Variants in CDH13 observed in about 807,000 individuals in gnomAD.
CDH13 encodes cadherin 13, also known as cadherin-13.
A neutral mutation model predicts 63.8 loss-of-function variants in CDH13; 24 were observed. The ratio of observed to expected loss-of-function variants is 0.38; its 90% CI spans 0.27 to 0.53. The LOEUF is 0.53. Ranked by LOEUF, CDH13 falls within the 20% of genes least tolerant of loss-of-function variation. The probability of loss-of-function intolerance (pLI) is 0.85; values close to 1 mark genes in which losing one functional copy is unlikely to be tolerated. For missense variants in CDH13, 1,049 were observed against 903.1 expected, an observed-to-expected ratio of 1.16 and a Z score of -2.07; for synonymous variants, 503 against 355.3, an observed-to-expected ratio of 1.42 and a Z score of -4.67.
At chr16:83,037,992 CCT>C (rs1323869552) in intron 3 of CDH13, among the ~76,000 whole-genome samples, 3 of 152,044 alleles carry the variant, frequency 2.0e-5, no homozygotes, top group Admixed American at 6.6e-5. Flanking sequence ...TCACTGAGGC[CCT>C]GAGACAGAAG....
rs773486099 is a variant in CDH13, at chr16:83,779,984, G to C, written c.1698G>C (p.Thr566=). The change falls in exon 12 of 14, where the codon ACG becomes ACC. Residue 566 remains threonine, a synonymous_variant. Transcript: ENST00000567109. ...LAIDSGNPPA[T]GTGTLLITLE... is the part of the protein sequence containing the mutation. ...TTCCCACAGGCAACCCTCCCGCTAC[G>C]GGCACTGGGACTTTGCTGATAACCC... is the stretch of plus-strand genomic sequence containing the variant. 11 of 1,608,454 alleles carry C rather than the reference G, an allele frequency of 6.8e-6. No individual in the cohort carries two copies. Among genetic ancestry groups the C allele is most frequent in the Non-Finnish European group, 7.7e-6 (9 of 1,175,332 alleles).
chr16:83,767,746 C>G (rs1914492017), intron 11 of CDH13, among the ~76,000 whole-genome samples: 1 of 152,110 alleles, frequency 6.6e-6, no homozygotes, highest in South Asian at 2.1e-4. Context: ...AATCCAGACC[C>G]AAAAAACTAC....
At chr16:82,787,761 A>C (rs1760812083) in intron 1 of CDH13, among the ~76,000 whole-genome samples, 1 of 149,482 alleles carries the variant, frequency 6.7e-6, no homozygotes, top group African/African-American at 2.5e-5. Context: ...TTTTAATAAC[A>C]ATTTTGTTTG....
chr16:83,781,940 A>G (rs1915553548), intron 12 of CDH13, among the ~76,000 whole-genome samples: 2 of 151,882 alleles, frequency 1.3e-5, no homozygotes, highest in Admixed American at 1.3e-4. Context: ...AAAAAAAAAA[A>G]GAAGAAAAAA....
chr16:83,745,036 C>G (rs957091923), intron 10 of CDH13, among the ~76,000 whole-genome samples: 5 of 152,166 alleles, frequency 3.3e-5, no homozygotes, highest in Non-Finnish European at 7.3e-5. Flanking sequence ...CTCTCAGTTC[C>G]TCATCTGTAA....
At chr16:83,212,600 G>C (rs2151780711) in intron 4 of CDH13, among the ~76,000 whole-genome samples, 1 of 152,324 alleles carries the variant, frequency 6.6e-6, no homozygotes, top group South Asian at 2.1e-4. Flanking sequence ...GGTCTAGAAA[G>C]AAGGTGGCAA....
chr16:83,533,600 A>C lies in CDH13; in HGVS notation c.960+46945A>C, dbSNP rs1386430080. Among the ~76,000 whole-genome samples the C allele has an allele frequency of 2.0e-5, 3 of 151,328 alleles. No homozygotes were observed. In the East Asian group the frequency reaches 5.8e-4, roughly 29 times the overall value. On this transcript the variant is annotated intron_variant, in intron 7 of 13. Coordinates refer to ENST00000567109, the MANE Select transcript of CDH13 (RefSeq NM_001257.5). ...TTAGTTGTGGAAGTTGTGAGGATTT[A>C]AGTATAATTTACATTATCTTTTTTT...
chr16:82,947,955 A>G (rs973604078), intron 2 of CDH13, among the ~76,000 whole-genome samples: 10 of 152,218 alleles, frequency 6.6e-5, no homozygotes, highest in African/African-American at 2.2e-4. Context: ...CTGGGCATTT[A>G]TTGTAATAGA....
chr16:83,329,876 A>G (rs750880022), intron 5 of CDH13, among the ~76,000 whole-genome samples: 5 of 152,224 alleles, frequency 3.3e-5, no homozygotes, highest in Non-Finnish European at 7.3e-5. Context: ...TAAAAACTGA[A>G]TAGTGTTTGT....
chr16:83,196,093 TA>T (rs370500613), intron 4 of CDH13, among the ~76,000 whole-genome samples: 98 of 152,118 alleles, frequency 6.4e-4, no homozygotes, highest in African/African-American at 2.3e-3. Context: ...GCGTCTCTAC[TA>T]AAAATACAAA....
At chr16:83,252,140 A>G (rs11644369) in intron 5 of CDH13, among the ~76,000 whole-genome samples, 7 of 98,890 alleles carry the variant, frequency 7.1e-5, no homozygotes, top group Non-Finnish European at 1.1e-4. Context: ...ATATATATGT[A>G]TATATATATA....
chr16:82,896,767 A>G (rs1340231674), intron 2 of CDH13, among the ~76,000 whole-genome samples: 1 of 139,700 alleles, frequency 7.2e-6, no homozygotes, highest in Non-Finnish European at 1.5e-5. Flanking sequence ...CTGCTGTGCA[A>G]TTCTTTTTTT....
At chr16:83,408,210 T>C (rs1019532403) in intron 6 of CDH13, among the ~76,000 whole-genome samples, 1 of 152,168 alleles carries the variant, frequency 6.6e-6, no homozygotes. Flanking sequence ...GAACAATAAG[T>C]AATCTAAATA....
At chr16:83,724,181 A>AAATGCATGGGTGGGTGATG (rs1567552011) in intron 10 of CDH13, among the ~76,000 whole-genome samples, 3 of 102,456 alleles carry the variant, frequency 2.9e-5, no homozygotes, top group African/African-American at 8.4e-5. Flanking sequence ...GGTGAGTGAT[A>AAATGCATGGGTGGGTGATG]AATGCATGGG....
chr16:82,880,034 A>G (rs1257340263), intron 2 of CDH13, among the ~76,000 whole-genome samples: 4 of 148,618 alleles, frequency 2.7e-5, no homozygotes, highest in Non-Finnish European at 5.9e-5. Context: ...ATATAATCAT[A>G]TAATGGATTA....
At chr16:83,609,245 T>A (rs1908642682) in intron 8 of CDH13, among the ~76,000 whole-genome samples, 1 of 152,214 alleles carries the variant, frequency 6.6e-6, no homozygotes, top group Non-Finnish European at 1.5e-5. Flanking sequence ...TGAGATTTTT[T>A]TTTTAGCTCA....
intron 2 of CDH13, among the ~76,000 whole-genome samples, chr16:82,934,038 C>G (rs1200816402): frequency 1.3e-5 from 2 of 152,176 alleles, no homozygotes; most frequent in Non-Finnish European, 2.9e-5. Context: ...GGACAGTGGC[C>G]CTTTTCTCAC....
chr16:83,352,643 C>T (rs1254283626), intron 6 of CDH13, among the ~76,000 whole-genome samples: 2 of 152,288 alleles, frequency 1.3e-5, no homozygotes, highest in African/African-American at 2.4e-5. Flanking sequence ...ATAATCCCAG[C>T]ACTTAGGGAG....
intron 2 of CDH13, among the ~76,000 whole-genome samples, chr16:83,020,627 A>G (rs773544633): frequency 2.0e-5 from 3 of 152,226 alleles, no homozygotes; most frequent in African/African-American, 4.8e-5. Context: ...TGAGTTGTGT[A>G]TGTAGCTTTC....
Sources: allele counts gnomAD v4.1 joint callset (sites outside exome capture counted in the v4.1 genomes callset), GRCh38; gene constraint gnomAD v4.1.1; transcripts MANE v1.5; gene names NCBI Gene and HGNC (gene_info 2026-07-23, HGNC 2026-07-21).